Variants in FER observed in about 807,000 individuals in gnomAD.
The protein encoded by FER is tyrosine-protein kinase Fer.
In FER, 63 loss-of-function variants were observed where a neutral mutation model predicts 111.0. The observed-to-expected ratio is 0.57, with a 90% CI of 0.46 to 0.70. The LOEUF is 0.70. Among genes scored for constraint, FER ranks in the 30% least tolerant of loss-of-function variants. The probability of loss-of-function intolerance (pLI) is 0.00; values close to 1 mark genes in which losing one functional copy is unlikely to be tolerated. For synonymous variants in FER, 327 were observed against 313.9 expected (o/e 1.04, Z -0.44); for missense variants, 914 against 954.0 (o/e 0.96, Z 0.55).
At position 109,187,381 on chromosome 5, in the gene FER, T is replaced by C. The variant is rs1758998289; in HGVS notation, c.2327-52T>C. Reference sequence around the variant, plus strand: ...ACTGCATAATGCCCTGTGTGAACATTTTGTGTCTTACCTCCATTCTAAATT... The same window carrying C: ...ACTGCATAATGCCCTGTGTGAACATCTTGTGTCTTACCTCCATTCTAAATT... On this transcript the variant is annotated intron_variant, in intron 19 of 19. Coordinates refer to ENST00000281092, the MANE Select transcript of FER (RefSeq NM_005246.4). 8 of 1,587,132 alleles carry C rather than the reference T, an allele frequency of 5.0e-6. No individual in the cohort carries two copies. The East Asian group carries it at 1.8e-4, about 36-fold the overall frequency.
At chr5:108,835,184 A>AACCCC (rs1481952095) in intron 4 of FER, among the ~76,000 whole-genome samples, 9 of 28,876 alleles carry the variant, frequency 3.1e-4, no homozygotes, top group African/African-American at 8.4e-4. Flanking sequence ...CGTTTGCGCC[A>AACCCC]CCCCCCCCCC....
chr5:108,945,896 A>G (rs1308736696), intron 10 of FER, among the ~76,000 whole-genome samples: 1 of 151,884 alleles, frequency 6.6e-6, no homozygotes, highest in Non-Finnish European at 1.5e-5. Context: ...ATGAATTTCT[A>G]TTTCTTTCTT....
chr5:109,099,437 G>C (rs1354525423), intron 16 of FER, among the ~76,000 whole-genome samples: 1 of 151,340 alleles, frequency 6.6e-6, no homozygotes, highest in Non-Finnish European at 1.5e-5. Flanking sequence ...AACATCTTGG[G>C]TATGTGAATC....
At chr5:108,772,056 CT>C (rs1367712209) in intron 2 of FER, among the ~76,000 whole-genome samples, 1 of 151,952 alleles carries the variant, frequency 6.6e-6, no homozygotes, top group Non-Finnish European at 1.5e-5. Flanking sequence ...TAGTTTGTGC[CT>C]TTTTGGTGAC....
chr5:108,988,300 C>A (rs1482778425), intron 13 of FER, among the ~76,000 whole-genome samples: 1 of 152,052 alleles, frequency 6.6e-6, no homozygotes, highest in African/African-American at 2.4e-5. Flanking sequence ...ATGATATTGG[C>A]TTCATAGAAT....
intron 12 of FER, among the ~76,000 whole-genome samples, chr5:108,957,713 C>T (rs2149663322): frequency 6.6e-6 from 1 of 151,618 alleles, no homozygotes. Flanking sequence ...TGTCCATTAA[C>T]ATTTATTATT....
At chr5:109,117,964 T>A (rs1050750233) in intron 17 of FER, among the ~76,000 whole-genome samples, 2 of 152,008 alleles carry the variant, frequency 1.3e-5, no homozygotes, top group Non-Finnish European at 1.5e-5. Context: ...ATAGGGACAA[T>A]TTGACTTCCT....
chr5:108,780,841 T>G (rs13185815), intron 2 of FER, among the ~76,000 whole-genome samples: 9,289 of 141,272 alleles, frequency 0.066, 326 homozygotes, highest in Middle Eastern at 0.08. Flanking sequence ...ATTTTCTGTT[T>G]GCTTTGTAGT....
At chr5:109,172,510 G>A (rs188417873) in intron 17 of FER, among the ~76,000 whole-genome samples, 2,065 of 123,500 alleles carry the variant, frequency 0.017, 37 homozygotes, top group South Asian at 0.025. Flanking sequence ...GGGAGGGATA[G>A]CATTAGGAGA....
At chr5:109,084,530 C>T (rs1777342044) in intron 16 of FER, among the ~76,000 whole-genome samples, 1 of 151,684 alleles carries the variant, frequency 6.6e-6, no homozygotes, top group South Asian at 2.1e-4. Context: ...AAAAAATAGC[C>T]AATTGTATGG....
In FER at chr5:108,786,587, G is replaced by C. The variant is rs539514599; in HGVS notation, c.-59-11537G>C. On this transcript the variant is annotated intron_variant, in intron 2 of 19. Coordinates refer to ENST00000281092, the MANE Select transcript of FER (RefSeq NM_005246.4). ...GCGAGGGGGGCTCACTGCAAGCTCT[G>C]CCTCCCGGGTTCAAGTCATTCTCCT... Among the ~76,000 whole-genome samples, 14 of 152,208 alleles carry C rather than the reference G, an allele frequency of 9.2e-5. No homozygotes were observed. In the South Asian group the frequency reaches 2.3e-3, roughly 25 times the overall value.
At chr5:109,112,789 TA>T (rs775827789) in intron 17 of FER, among the ~76,000 whole-genome samples, 2 of 152,128 alleles carry the variant, frequency 1.3e-5, no homozygotes, top group Admixed American at 6.6e-5. Flanking sequence ...GAAAACTGCT[TA>T]AAAATGAATG....
chr5:108,872,195 A>C lies in FER; in HGVS notation c.906A>C (p.Ala302=), dbSNP rs762617665. ...AGATCATGTGGAATAACTTAACAGC[A>C]GAAAGTTTGCAAGTAATGTAAGTAT... The part of the protein sequence containing the change: ...ANEIMWNNLT[A]ESLQVMLKTL... The change falls in exon 8 of 20, where the codon GCA becomes GCC. Residue 302 remains alanine, a synonymous_variant. Transcript: ENST00000281092. 8 of 1,607,614 alleles carry C rather than the reference A, an allele frequency of 5.0e-6. No homozygotes were observed. Among genetic ancestry groups the C allele is most frequent in the Non-Finnish European group, 6.8e-6 (8 of 1,177,346 alleles).
chr5:108,816,563 A>G (rs1758302727), intron 3 of FER, among the ~76,000 whole-genome samples: 1 of 152,310 alleles, frequency 6.6e-6, no homozygotes, highest in Admixed American at 6.5e-5. Context: ...TTTTAAAAAA[A>G]TGTGTCCCTG....
chr5:109,004,806 G>A (rs192113657), intron 13 of FER, among the ~76,000 whole-genome samples: 2 of 152,196 alleles, frequency 1.3e-5, no homozygotes, highest in Admixed American at 6.5e-5. Context: ...ATTAGTGATT[G>A]TGTTCATTTT....
At chr5:108,799,345 T>C (rs1756385885) in intron 3 of FER, among the ~76,000 whole-genome samples, 1 of 152,214 alleles carries the variant, frequency 6.6e-6, no homozygotes, top group Admixed American at 6.5e-5. Context: ...TATAGAATGT[T>C]AAAAAAATTA....
intron 3 of FER, among the ~76,000 whole-genome samples, chr5:108,829,674 A>G (rs1441530406): frequency 6.6e-6 from 1 of 152,060 alleles, no homozygotes; most frequent in Non-Finnish European, 1.5e-5. Context: ...TATGGCATGT[A>G]TTTAATTCAT....
chr5:109,056,433 C>G (rs1003563215), intron 16 of FER, among the ~76,000 whole-genome samples: 3 of 151,946 alleles, frequency 2.0e-5, no homozygotes, highest in Admixed American at 2.0e-4. Context: ...CACAGATGAG[C>G]CTGGGGGACA....
intron 1 of FER, chr5:108,749,076 C>A (rs1384825522): frequency 6.6e-6 from 1 of 152,598 alleles, no homozygotes; most frequent in Admixed American, 6.5e-5. Context: ...GGAAGGCAAG[C>A]CTAGAGCGGG....
Sources: allele counts gnomAD v4.1 joint callset (sites outside exome capture counted in the v4.1 genomes callset), GRCh38; gene constraint gnomAD v4.1.1; transcripts MANE v1.5; gene names NCBI Gene and HGNC (gene_info 2026-07-23, HGNC 2026-07-21).